The following CARM1 variants were observed in gnomAD, a reference collection of about 807,000 sequenced individuals.
CARM1 encodes the protein histone-arginine methyltransferase CARM1.
In CARM1, 14 loss-of-function variants were observed where a neutral mutation model predicts 72.7. That is an observed-to-expected ratio of 0.19 (90% confidence interval 0.13 to 0.30). The LOEUF (loss-of-function observed/expected upper bound fraction) is 0.30, where lower values mean the gene tolerates loss of function less well. Ranked by LOEUF, CARM1 falls within the 10% of genes least tolerant of loss-of-function variation. The pLI, the probability that CARM1 is intolerant of heterozygous loss-of-function variation, is 1.00. For synonymous variants in CARM1, 333 were observed against 345.5 expected, an observed-to-expected ratio of 0.96 and a Z score of 0.40; for missense variants, 432 against 833.7, an observed-to-expected ratio of 0.52 and a Z score of 5.93.
Position 10,891,473 on chromosome 19 carries a change from G to A in CARM1, c.221-13478G>A, listed in dbSNP as rs112136706. On this transcript the variant is annotated intron_variant, in intron 1 of 15. Coordinates refer to ENST00000327064, the MANE Select transcript of CARM1 (RefSeq NM_199141.2). ...ACGTCCATCACACCCACTGAGGGCC[G>A]TGGGGTGGGTGCAGGGCTTGTTCTG... Among the ~76,000 whole-genome samples the A allele has an allele frequency of 7.4e-3, 1,120 of 152,264 alleles. 7 individuals carry two copies. Among genetic ancestry groups the A allele is most frequent in the Non-Finnish European group, 0.013 (882 of 68,010 alleles).
At chr19:10,904,611 C>T (rs2074089388) in intron 1 of CARM1, among the ~76,000 whole-genome samples, 1 of 152,222 alleles carries the variant, frequency 6.6e-6, no homozygotes, top group Non-Finnish European at 1.5e-5. Context: ...CAGAAGGGCT[C>T]AGCCGAGCAG....
intron 1 of CARM1, among the ~76,000 whole-genome samples, chr19:10,898,416 G>C (rs1027230230): frequency 6.6e-6 from 1 of 152,218 alleles, no homozygotes; most frequent in Non-Finnish European, 1.5e-5. Context: ...TAGCCCTGCA[G>C]CCTGTCCCCC....
chr19:10,913,647 C>T (rs2074172018), intron 5 of CARM1, among the ~76,000 whole-genome samples: 1 of 152,154 alleles, frequency 6.6e-6, no homozygotes, highest in South Asian at 2.1e-4. Context: ...AGTCCGCCTG[C>T]CTCGGCCTCC....
In CARM1 at chr19:10,871,636, CG is replaced by C. The variant is rs1329139223; in HGVS notation, c.-65del. Reference sequence around the variant, plus strand: ...GCGGCGGCGGCGGCGGCGGCGGCGGCGGCAGCGGCGGCGGCCTGGGCCCGGG... The same window carrying C: ...GCGGCGGCGGCGGCGGCGGCGGCGGCGCAGCGGCGGCGGCCTGGGCCCGGG... On this transcript the variant is annotated 5_prime_UTR_variant, in exon 1 of 16. Transcript: ENST00000327064. This position sits in a 1 kb window ranked among gnomAD's most constrained non-coding sequence, Gnocchi z 5.6. 6.2e-6 allele frequency: 1 copy of C among 161,238 alleles called. No individual in the cohort carries two copies. Among genetic ancestry groups the C allele is most frequent in the Non-Finnish European group, 8.9e-6 (1 of 112,538 alleles). 10.0% of individuals were successfully genotyped at this position (161,238 alleles called of 1,614,324 possible).
At chr19:10,890,149 G>C (rs1363902327) in intron 1 of CARM1, among the ~76,000 whole-genome samples, 1 of 152,078 alleles carries the variant, frequency 6.6e-6, no homozygotes, top group Non-Finnish European at 1.5e-5. Context: ...GTACTCAGGT[G>C]GCTGAGGCAG....
rs2073931509 is a variant in CARM1, at chr19:10,885,101, C to G, written c.220+13179C>G. 2.0e-5 allele frequency among the ~76,000 whole-genome samples: 3 copies of G among 152,184 alleles called. No homozygotes were observed. In the South Asian group the frequency reaches 6.2e-4, roughly 31 times the overall value. On this transcript the variant is annotated intron_variant, in intron 1 of 15. Transcript: ENST00000327064. ...TGACAATTATGGACACCCATGTCAC[C>G]ACCACCCAAAGCCAGACATGGAACT... is the stretch of plus-strand genomic sequence containing the variant.
In CARM1 at chr19:10,921,635, AGTG is replaced by A. The variant is rs1295980021; in HGVS notation, c.1713_1715del (p.Gly572del). On this transcript the variant is annotated inframe_deletion, in exon 16 of 16. Coordinates refer to ENST00000327064, the MANE Select transcript of CARM1 (RefSeq NM_199141.2). ...CACAGGGTCCTCCGGCGCCCAGGGC[AGTG>A]GTGGTGGCAGCACGAGTGCCCACTA... 2 of 1,612,968 alleles carry A rather than the reference AGTG, an allele frequency of 1.2e-6. No homozygotes were observed. Among genetic ancestry groups the A allele is most frequent in the South Asian group, 1.1e-5 (1 of 91,046 alleles).
chr19:10,875,012 AG>A (rs1309689833), intron 1 of CARM1, among the ~76,000 whole-genome samples: 3 of 151,760 alleles, frequency 2.0e-5, no homozygotes, highest in Non-Finnish European at 4.4e-5. Flanking sequence ...TGACAGAGCA[AG>A]ACCCTGTCTG....
chr19:10,916,378 G>T lies in CARM1; in HGVS notation c.848-29G>T, dbSNP rs754003302. ...GGCAGTGTGGGATGTGTCACCTGAC[G>T]CCAGCACCCCTCCCTGCCCCACTCC... On this transcript the variant is annotated intron_variant, in intron 6 of 15. Coordinates refer to ENST00000327064, the MANE Select transcript of CARM1 (RefSeq NM_199141.2). The surrounding 1 kb of genome is among the most constrained non-coding windows in gnomAD (Gnocchi z 4.4). 12 of 1,507,238 alleles carry T rather than the reference G, an allele frequency of 8.0e-6. No homozygotes were observed. The East Asian group carries it at 2.5e-4, about 31-fold the overall frequency. The allele number at this position is 1,507,238 out of a possible 1,614,324, so 93.4% of individuals were successfully genotyped here.
In CARM1 at chr19:10,916,380, C is replaced by T; in HGVS notation, c.848-27C>T. ...CAGTGTGGGATGTGTCACCTGACGC[C>T]AGCACCCCTCCCTGCCCCACTCCCA... On this transcript the variant is annotated intron_variant, in intron 6 of 15. Coordinates refer to ENST00000327064, the MANE Select transcript of CARM1 (RefSeq NM_199141.2). This position sits in a 1 kb window ranked among gnomAD's most constrained non-coding sequence, Gnocchi z 4.4. 6.6e-7 allele frequency: 1 copy of T among 1,525,084 alleles called. No homozygotes were observed. The highest frequency in any genetic ancestry group is 9.1e-7 in the Non-Finnish European group (1 of 1,100,108). 94.5% of individuals were successfully genotyped at this position (1,525,084 alleles called of 1,614,324 possible). A position where few individuals can be genotyped will look rare whatever the true frequency, so the allele number is the denominator to read the frequency against.
intron 1 of CARM1, among the ~76,000 whole-genome samples, chr19:10,880,599 C>T (rs1004043323): frequency 2.0e-5 from 3 of 151,442 alleles, no homozygotes; most frequent in Non-Finnish European, 4.4e-5. Context: ...AGCGATTCTC[C>T]TACCTTGGCC....
intron 8 of CARM1, among the ~76,000 whole-genome samples, chr19:10,917,159 A>AT (rs1270167165): frequency 6.6e-6 from 1 of 152,124 alleles, no homozygotes; most frequent in Admixed American, 6.6e-5. Context: ...TTTACTTGAG[A>AT]TTTTTGATAC....
At chr19:10,919,780 T>C in intron 9 of CARM1, 97 bp from the exon 10 acceptor site, 1 of 1,498,136 alleles carries the variant, frequency 6.7e-7, no homozygotes. Context: ...GGGCAGATGG[T>C]GGGCGGGGGC....
chr19:10,904,411 A>G (rs1302007052), intron 1 of CARM1, among the ~76,000 whole-genome samples: 2 of 152,230 alleles, frequency 1.3e-5, no homozygotes, highest in East Asian at 3.8e-4. Flanking sequence ...TGATGGGTAC[A>G]GGGAGACAGT....
chr19:10,920,593 C>A lies in CARM1; in HGVS notation c.1334+20C>A. On this transcript the variant is annotated intron_variant, in intron 11 of 15. Coordinates refer to ENST00000327064, the MANE Select transcript of CARM1 (RefSeq NM_199141.2). This position sits in a 1 kb window ranked among gnomAD's most constrained non-coding sequence, Gnocchi z 5.3. ...CAAAAGGTGCGACTGCTCCCTGGGG[C>A]TGGTGGTGGTGGGCAGGGGTCCATC... The A allele has an allele frequency of 6.2e-7, 1 of 1,613,926 alleles. No homozygotes were observed. The highest frequency in any genetic ancestry group is 1.1e-5 in the South Asian group (1 of 91,076).
At chr19:10,892,349 G>A (rs932274557) in intron 1 of CARM1, among the ~76,000 whole-genome samples, 1 of 152,250 alleles carries the variant, frequency 6.6e-6, no homozygotes, top group African/African-American at 2.4e-5. Flanking sequence ...GGCCATGGCT[G>A]CAGGGCTCCT....
intron 1 of CARM1, among the ~76,000 whole-genome samples, chr19:10,890,363 G>A (rs920131095): frequency 6.6e-6 from 1 of 151,438 alleles, no homozygotes; most frequent in Non-Finnish European, 1.5e-5. Context: ...CGCCTCCCGG[G>A]TTCAAGTGAT....
At chr19:10,888,899 C>T (rs530016401) in intron 1 of CARM1, among the ~76,000 whole-genome samples, 2 of 152,318 alleles carry the variant, frequency 1.3e-5, no homozygotes, top group Admixed American at 6.5e-5. Flanking sequence ...TCGCACACCC[C>T]ACAACTGAGC....
At chr19:10,919,703 C>A in intron 9 of CARM1, 23 bp downstream of exon 9, 2 of 1,596,758 alleles carry the variant, frequency 1.3e-6, no homozygotes, top group Non-Finnish European at 1.7e-6. Context: ...ACACTCCATC[C>A]TCCCAGGCCT....
Sources: allele counts gnomAD v4.1 joint callset (sites outside exome capture counted in the v4.1 genomes callset), GRCh38; gene constraint gnomAD v4.1.1; non-coding constraint Gnocchi (gnomAD v3.1); transcripts MANE v1.5; gene names NCBI Gene and HGNC (gene_info 2026-07-23, HGNC 2026-07-21).